The following MAP3K13 variants were observed in gnomAD, a reference collection of about 807,000 sequenced individuals.
MAP3K13 encodes mitogen-activated protein kinase kinase kinase 13.
MAP3K13 carries 52 observed loss-of-function variants against 104.0 expected under a neutral mutation model. That is an observed-to-expected ratio of 0.50 (90% CI 0.40 to 0.63). The LOEUF (loss-of-function observed/expected upper bound fraction) is 0.63. Among genes scored for constraint, MAP3K13 ranks in the 20% least tolerant of loss-of-function variants. MAP3K13 has a pLI of 0.00. For missense variants in MAP3K13, 914 were observed against 1,218.5 expected (o/e 0.75, Z 3.72); for synonymous variants, 394 against 442.2 (o/e 0.89, Z 1.37).
At chr3:185,455,975 T>G (rs1414279269) in intron 7 of MAP3K13, among the ~76,000 whole-genome samples, 3 of 146,708 alleles carry the variant, frequency 2.0e-5, no homozygotes, top group Admixed American at 7.0e-5. Flanking sequence ...ATGTATGAGA[T>G]ATATATATGA....
At chr3:185,321,776 G>T (rs537990764) in intron 2 of MAP3K13, among the ~76,000 whole-genome samples, 4 of 152,110 alleles carry the variant, frequency 2.6e-5, no homozygotes, top group African/African-American at 9.6e-5. Context: ...GCTAATTTTT[G>T]TATTTTTAGT....
Position 185,395,249 on chromosome 3 carries a change from A to G in MAP3K13, c.-86+31881A>G, listed in dbSNP as rs1712311535. Among the ~76,000 whole-genome samples, 12 of 151,028 alleles carry G rather than the reference A, an allele frequency of 7.9e-5. 1 individual carries two copies. The South Asian group carries it at 2.5e-3, about 31-fold the overall frequency. On this transcript the variant is annotated intron_variant, in intron 1 of 13. Transcript: ENST00000265026. ...TTCCACTATACCAAACTACCATTGC[A>G]TGCTTCCAGAATGACATCGCTGTAT...
chr3:185,328,866 C>T (rs965865652), intron 2 of MAP3K13: 3 of 235,574 alleles, frequency 1.3e-5, no homozygotes, highest in Admixed American at 9.7e-5. Flanking sequence ...GAACCTGATC[C>T]AGAAACAGCC....
intron 2 of MAP3K13, among the ~76,000 whole-genome samples, chr3:185,334,470 G>C (rs1043191383): frequency 2.6e-5 from 4 of 152,122 alleles, no homozygotes; most frequent in African/African-American, 9.7e-5. Context: ...AGGCAGATTT[G>C]TCGGTGGAAC....
chr3:185,349,041 G>A (rs1723040101), intron 2 of MAP3K13, among the ~76,000 whole-genome samples: 1 of 152,194 alleles, frequency 6.6e-6, no homozygotes, highest in South Asian at 2.1e-4. Context: ...TTCAAAGGCA[G>A]AGAAATCAGA....
intron 1 of MAP3K13, among the ~76,000 whole-genome samples, chr3:185,384,535 C>A (rs1475794938): frequency 6.6e-6 from 1 of 152,120 alleles, no homozygotes; most frequent in Admixed American, 6.6e-5. Context: ...TTTTGAGAAA[C>A]CTCCATATTG....
chr3:185,419,203 T>C (rs2108794196), intron 1 of MAP3K13, among the ~76,000 whole-genome samples: 1 of 152,288 alleles, frequency 6.6e-6, no homozygotes, highest in East Asian at 1.9e-4. Flanking sequence ...GGTTTCACCA[T>C]GTTGGCCAGG....
intron 1 of MAP3K13, among the ~76,000 whole-genome samples, chr3:185,399,529 A>G (rs532359088): frequency 1.3e-5 from 2 of 150,338 alleles, no homozygotes; most frequent in East Asian, 3.9e-4. Context: ...AATCTCTTGA[A>G]CCCAGGAGGC....
rs529191996 is a variant in MAP3K13, at chr3:185,478,610, GC to G, written c.2501+1216del. Among the ~76,000 whole-genome samples the G allele has an allele frequency of 3.1e-3, 479 of 152,168 alleles. 7 individuals are homozygous for G. The highest frequency in any genetic ancestry group is 4.3e-3 in the Admixed American group (66 of 15,284). ...ATGGCATAAAATCTCTTTGTACTAG[GC>G]CGGGTGCTGTGGCTCACACCTCTAA... On this transcript the variant is annotated intron_variant, in intron 12 of 13. Coordinates refer to ENST00000265026, the MANE Select transcript of MAP3K13 (RefSeq NM_004721.5).
At chr3:185,373,873 C>G (rs188607429) in intron 1 of MAP3K13, among the ~76,000 whole-genome samples, 80 of 138,600 alleles carry the variant, frequency 5.8e-4, no homozygotes, top group Non-Finnish European at 1.1e-3. Flanking sequence ...GTTTATTTCA[C>G]CTGGGTGCAG....
At chr3:185,407,017 T>G (rs553443022) in intron 1 of MAP3K13, among the ~76,000 whole-genome samples, 3 of 152,214 alleles carry the variant, frequency 2.0e-5, no homozygotes, top group African/African-American at 7.2e-5. Context: ...AGATTAAAAT[T>G]TTATATTAAA....
intron 2 of MAP3K13, among the ~76,000 whole-genome samples, chr3:185,434,064 C>T (rs917721133): frequency 6.6e-6 from 1 of 151,848 alleles, no homozygotes. Flanking sequence ...TAAAAATGAA[C>T]TATAGATAAC....
chr3:185,423,158 A>AT lies in MAP3K13; in HGVS notation c.-85-5338dup, dbSNP rs1714230350. Among the ~76,000 whole-genome samples the AT allele has an allele frequency of 6.6e-6, 1 of 152,198 alleles. No individual in the cohort carries two copies. Among genetic ancestry groups the AT allele is most frequent in the Admixed American group, 6.5e-5 (1 of 15,288 alleles). Reference sequence around the variant, plus strand: ...TAGTGAGTTGTAGAATTACTTCATTATGTATTACAATGTAATTATAATAGA... The same window carrying AT: ...TAGTGAGTTGTAGAATTACTTCATTATTGTATTACAATGTAATTATAATAGA... On this transcript the variant is annotated intron_variant, in intron 1 of 13. Transcript: ENST00000265026. The surrounding 1 kb of genome is among the most constrained non-coding windows in gnomAD (Gnocchi z 4.1).
intron 2 of MAP3K13, among the ~76,000 whole-genome samples, chr3:185,353,516 T>A (rs541707564): frequency 2.9e-4 from 44 of 152,318 alleles, no homozygotes; most frequent in African/African-American, 9.9e-4. Flanking sequence ...CTTGTTACAG[T>A]TTACAATATA....
intron 1 of MAP3K13, among the ~76,000 whole-genome samples, chr3:185,400,310 G>A (rs1362529875): frequency 6.6e-6 from 1 of 152,110 alleles, no homozygotes; most frequent in South Asian, 2.1e-4. Context: ...GGTCATCCTG[G>A]ATGGGGATTT....
chr3:185,322,501 T>C (rs1291081846), intron 2 of MAP3K13, among the ~76,000 whole-genome samples: 1 of 152,246 alleles, frequency 6.6e-6, no homozygotes, highest in African/African-American at 2.4e-5. Context: ...ATCCCTACTC[T>C]GTTTTCCATG....
chr3:185,303,954 C>T (rs1016096360), intron 2 of MAP3K13, among the ~76,000 whole-genome samples: 5 of 152,040 alleles, frequency 3.3e-5, no homozygotes, highest in African/African-American at 1.2e-4. Context: ...TGTGTGTTTA[C>T]CACTAATAAC....
At position 185,482,086 on chromosome 3, in the gene MAP3K13, A is replaced by C. The variant is rs563082493; in HGVS notation, c.2800-269A>C. ...GCGACAGAGTGAGACTCCATCTCTA[A>C]ATAAATAAATAAGTAAAGTACTTAC... On this transcript the variant is annotated intron_variant, in intron 13 of 13. Coordinates refer to ENST00000265026, the MANE Select transcript of MAP3K13 (RefSeq NM_004721.5). The surrounding 1 kb of genome is among the most constrained non-coding windows in gnomAD (Gnocchi z 4.5). Among the ~76,000 whole-genome samples the C allele has an allele frequency of 9.4e-4, 143 of 152,366 alleles. No individual in the cohort carries two copies. The highest frequency in any genetic ancestry group is 3.3e-3 in the African/African-American group (138 of 41,596).
At chr3:185,397,569 C>G (rs1262755558) in intron 1 of MAP3K13, among the ~76,000 whole-genome samples, 1 of 152,202 alleles carries the variant, frequency 6.6e-6, no homozygotes, top group African/African-American at 2.4e-5. Flanking sequence ...AAACTTATTT[C>G]TATTTCGATG....
Sources: allele counts gnomAD v4.1 joint callset (sites outside exome capture counted in the v4.1 genomes callset), GRCh38; gene constraint gnomAD v4.1.1; non-coding constraint Gnocchi (gnomAD v3.1); transcripts MANE v1.5; gene names NCBI Gene and HGNC (gene_info 2026-07-23, HGNC 2026-07-21).